USP34: variants seen among roughly 807,000 people sequenced by gnomAD.
USP34 encodes ubiquitin carboxyl-terminal hydrolase 34.
In USP34, 70 loss-of-function variants were observed where a neutral mutation model predicts 460.3. The ratio of observed to expected loss-of-function variants is 0.15; its 90% CI spans 0.13 to 0.19. USP34 has a LOEUF of 0.19. Among genes scored for constraint, USP34 ranks in the 10% least tolerant of loss-of-function variants. The pLI is 1.00. For missense variants in USP34, 3,985 were observed against 4,236.2 expected (o/e 0.94, Z 1.65); for synonymous variants, 1,647 against 1,405.3 (o/e 1.17, Z -3.85).
At chr2:61,219,869 A>G (rs974611861) in intron 67 of USP34, among the ~76,000 whole-genome samples, 1 of 152,064 alleles carries the variant, frequency 6.6e-6, no homozygotes, top group Admixed American at 6.5e-5. Context: ...ATTTTGTGAA[A>G]TATTTTTGAT....
chr2:61,360,510 C>A (rs535981773), intron 10 of USP34, among the ~76,000 whole-genome samples: 1 of 152,114 alleles, frequency 6.6e-6, no homozygotes, highest in African/African-American at 2.4e-5. Context: ...GACTTGTACA[C>A]TGAAAATTAT....
intron 61 of USP34, 35 bp downstream of exon 61, chr2:61,228,610 C>T: frequency 1.3e-6 from 2 of 1,580,892 alleles, no homozygotes; most frequent in Admixed American, 1.8e-5. Context: ...AAACCAGAGC[C>T]TCTAATACCT....
intron 20 of USP34, among the ~76,000 whole-genome samples, chr2:61,330,849 TA>T (rs1691238447): frequency 6.6e-6 from 1 of 152,164 alleles, no homozygotes; most frequent in South Asian, 2.1e-4. Context: ...CCACACGTCC[TA>T]AACTTTCTAA....
At chr2:61,336,608 G>A (rs1309178925) in intron 18 of USP34, among the ~76,000 whole-genome samples, 1 of 151,056 alleles carries the variant, frequency 6.6e-6, no homozygotes, top group Non-Finnish European at 1.5e-5. Flanking sequence ...TCGGGAGTTC[G>A]AGACCAGCCT....
chr2:61,229,976 G>T (rs892669509), intron 58 of USP34, among the ~76,000 whole-genome samples: 1 of 152,052 alleles, frequency 6.6e-6, no homozygotes, highest in Non-Finnish European at 1.5e-5. Context: ...AATGGGGAAG[G>T]GCCGCTGCTC....
At chr2:61,452,046 C>A (rs901972443) in intron 1 of USP34, among the ~76,000 whole-genome samples, 2 of 151,152 alleles carry the variant, frequency 1.3e-5, no homozygotes, top group African/African-American at 4.9e-5. Flanking sequence ...TGGTGGCGGG[C>A]GCCTGTAGTC....
intron 5 of USP34, 51 bp from the exon 6 acceptor site, chr2:61,383,387 A>G (rs774113515): frequency 2.0e-5 from 27 of 1,353,002 alleles, no homozygotes; most frequent in Middle Eastern, 2.4e-4. Context: ...TGAAATACAT[A>G]TATCTTTCAC....
intron 3 of USP34, among the ~76,000 whole-genome samples, chr2:61,396,378 A>T (rs936872167): frequency 6.6e-6 from 1 of 152,198 alleles, no homozygotes; most frequent in African/African-American, 2.4e-5. Flanking sequence ...CTAAGGAACT[A>T]ATCATACTAG....
Position 61,370,568 on chromosome 2 carries a change from T to C in USP34, c.1088A>G (p.Lys363Arg). ...GCTAATAAGCCAGTCTGCAAGTTCTTTTGCAATGGACCTAAAGTCAAGCAA... is the reference window on the plus strand; with the variant it reads ...GCTAATAAGCCAGTCTGCAAGTTCTCTTGCAATGGACCTAAAGTCAAGCAA... Reference protein sequence around the residue: ...LVSDTETSIAKELADWLISNN... With the variant: ...LVSDTETSIARELADWLISNN... Residue 363 changes from lysine to arginine, a missense_variant, in exon 9 of 80, where the codon AAA becomes AGA. Physicochemically the swap from Lys to Arg is conservative, Grantham distance 26. Coordinates refer to ENST00000398571, the MANE Select transcript of USP34 (RefSeq NM_014709.4). 2 of 1,613,636 alleles carry C rather than the reference T, an allele frequency of 1.2e-6. No individual in the cohort carries two copies. The highest frequency in any genetic ancestry group is 1.7e-6 in the Non-Finnish European group (2 of 1,179,888).
At chr2:61,224,831 G>T (rs891289632) in intron 62 of USP34, among the ~76,000 whole-genome samples, 3 of 152,194 alleles carry the variant, frequency 2.0e-5, no homozygotes, top group Admixed American at 1.3e-4. Flanking sequence ...TCTATGACCA[G>T]TAGAAACCTC....
chr2:61,370,272 G>C (rs1169459150), intron 10 of USP34, 49 bp downstream of exon 10: 1 of 1,567,604 alleles, frequency 6.4e-7, no homozygotes, highest in South Asian at 1.1e-5. Context: ...GAAGCACTTA[G>C]AACATATGAT....
chr2:61,395,602 C>T (rs892815037), intron 3 of USP34, among the ~76,000 whole-genome samples: 38 of 144,094 alleles, frequency 2.6e-4, no homozygotes, highest in Admixed American at 6.8e-5. Context: ...ATCGAGACCA[C>T]GGTGAAACCC....
chr2:61,229,072 A>G lies in USP34; in HGVS notation c.7200-77T>C, dbSNP rs1244247552. The G allele has an allele frequency of 1.6e-5, 18 of 1,159,080 alleles. No homozygotes were observed. In the South Asian group the frequency reaches 4.8e-4, roughly 31 times the overall value. 71.8% of individuals were successfully genotyped at this position (1,159,080 alleles called of 1,614,324 possible). ...GTTCGAGAGAAAAAGTACTTTTTAA[A>G]CTCTGAATTTCTTTTATCTTTGAGA... On this transcript the variant is annotated intron_variant, in intron 59 of 79. Coordinates refer to ENST00000398571, the MANE Select transcript of USP34 (RefSeq NM_014709.4).
chr2:61,281,267 A>G, intron 37 of USP34, 25 bp from the exon 38 acceptor site: 1 of 1,603,430 alleles, frequency 6.2e-7, no homozygotes, highest in Non-Finnish European at 8.5e-7. Context: ...AAGTTCCACA[A>G]ACAGTGAGAG....
At chr2:61,280,098 G>C in intron 39 of USP34, 146 bp downstream of exon 39, 1 of 452,636 alleles carries the variant, frequency 2.2e-6, no homozygotes, top group Non-Finnish European at 3.8e-6. Context: ...AGGTGGAAAA[G>C]CACAAATATA....
At chr2:61,440,773 C>T (rs1029424500) in intron 1 of USP34, among the ~76,000 whole-genome samples, 1 of 151,806 alleles carries the variant, frequency 6.6e-6, no homozygotes, top group Non-Finnish European at 1.5e-5. Context: ...CTGCCTTGGC[C>T]TCCCAAAGTG....
intron 41 of USP34, among the ~76,000 whole-genome samples, chr2:61,270,225 A>T (rs1185310955): frequency 1.3e-5 from 2 of 152,184 alleles, no homozygotes; most frequent in Non-Finnish European, 2.9e-5. Flanking sequence ...ACGAAGCAGT[A>T]GAGAGACCTC....
At chr2:61,319,528 T>C (rs1367753222) in intron 21 of USP34, among the ~76,000 whole-genome samples, 2 of 122,356 alleles carry the variant, frequency 1.6e-5, no homozygotes, top group African/African-American at 3.0e-5. Context: ...TCCTACAGCA[T>C]ATTTATGATT....
chr2:61,345,789 C>T (rs1691749269), intron 15 of USP34, among the ~76,000 whole-genome samples: 1 of 152,082 alleles, frequency 6.6e-6, no homozygotes, highest in Non-Finnish European at 1.5e-5. Flanking sequence ...TGTGTGATAC[C>T]ATGCCTGGCT....
Sources: allele counts gnomAD v4.1 joint callset (sites outside exome capture counted in the v4.1 genomes callset), GRCh38; gene constraint gnomAD v4.1.1; transcripts MANE v1.5; gene names NCBI Gene and HGNC (gene_info 2026-07-23, HGNC 2026-07-21).